Variants in SPSB1 observed in about 807,000 individuals in gnomAD.
SPSB1 encodes splA/ryanodine receptor domain and SOCS box containing 1.
Under a neutral mutation model 21.2 loss-of-function variants are expected in SPSB1, and 8 were observed. The ratio of observed to expected loss-of-function variants is 0.38; its 90% CI spans 0.22 to 0.68. The LOEUF is 0.68. Among genes scored for constraint, SPSB1 ranks in the 30% least tolerant of loss-of-function variants. The probability of loss-of-function intolerance (pLI) is 0.53; values close to 1 mark genes in which losing one functional copy is unlikely to be tolerated. For missense variants in SPSB1, 242 were observed against 377.8 expected, an observed-to-expected ratio of 0.64 and a Z score of 2.98; for synonymous variants, 169 against 161.7, an observed-to-expected ratio of 1.05 and a Z score of -0.34.
At chr1:9,307,792 C>G (rs1029769342) in intron 1 of SPSB1, among the ~76,000 whole-genome samples, 8 of 152,208 alleles carry the variant, frequency 5.3e-5, no homozygotes, top group African/African-American at 1.7e-4. Flanking sequence ...CTGTTGTCAG[C>G]TCCCTTCTTG....
In SPSB1 at chr1:9,356,188, G is replaced by A. The variant is rs945209621; in HGVS notation, c.297G>A (p.Val99=). 3 of 1,588,096 alleles carry A rather than the reference G, an allele frequency of 1.9e-6. No individual in the cohort carries two copies. In the African/African-American group the frequency reaches 4.0e-5, roughly 21 times the overall value. Residue 99 remains valine, a synonymous_variant, in exon 2 of 3, where the codon GTG becomes GTA. Coordinates refer to ENST00000328089, the MANE Select transcript of SPSB1 (RefSeq NM_025106.4). This position sits in a 1 kb window ranked among gnomAD's most constrained non-coding sequence, Gnocchi z 7.4. The part of the protein sequence containing the change: ...GKVGYTRGLH[V]WQITWAMRQR... ...TCGGGTATACCCGTGGGCTGCACGT[G>A]TGGCAGATCACGTGGGCCATGAGAC...
intron 1 of SPSB1, among the ~76,000 whole-genome samples, chr1:9,304,812 A>G (rs1169657786): frequency 3.3e-5 from 5 of 152,108 alleles, no homozygotes; most frequent in Admixed American, 2.6e-4. Context: ...AGCTGGGACT[A>G]TCGGTGCACA....
At position 9,317,827 on chromosome 1, in the gene SPSB1, G is replaced by A. The variant is rs890960025; in HGVS notation, c.-150+24756G>A. Among the ~76,000 whole-genome samples the A allele has an allele frequency of 7.0e-6, 1 of 142,084 alleles. No individual in the cohort carries two copies. The highest frequency in any genetic ancestry group is 1.5e-5 in the Non-Finnish European group (1 of 66,166). The allele number at this position is 142,084 out of a possible 152,430, so 93.2% of individuals were successfully genotyped here. A position where few individuals can be genotyped will look rare whatever the true frequency, so the allele number is the denominator to read the frequency against. ...CCTTATGTAGGTGATTTCCGGTGGC[G>A]AGGGAACCAATTTTTTTTTTTTTTT... is the stretch of plus-strand genomic sequence containing the variant. On this transcript the variant is annotated intron_variant, in intron 1 of 2. Coordinates refer to ENST00000328089, the MANE Select transcript of SPSB1 (RefSeq NM_025106.4). This position sits in a 1 kb window ranked among gnomAD's most constrained non-coding sequence, Gnocchi z 4.3.
chr1:9,319,861 C>G (rs928024454), intron 1 of SPSB1, among the ~76,000 whole-genome samples: 5 of 152,100 alleles, frequency 3.3e-5, no homozygotes, highest in Admixed American at 6.5e-5. Context: ...CTGGCCCAGC[C>G]AGTCGCCACC....
chr1:9,309,671 C>T (rs1249530067), intron 1 of SPSB1, among the ~76,000 whole-genome samples: 2 of 152,066 alleles, frequency 1.3e-5, no homozygotes, highest in East Asian at 1.9e-4. Context: ...AGTGAAACCC[C>T]GTCTCTACTA....
At chr1:9,327,088 C>T (rs975382662) in intron 1 of SPSB1, among the ~76,000 whole-genome samples, 6 of 152,118 alleles carry the variant, frequency 3.9e-5, no homozygotes, top group African/African-American at 9.7e-5. Flanking sequence ...ATGCATCTGC[C>T]GTCGTTTCGT....
chr1:9,351,971 C>T (rs914908348), intron 1 of SPSB1, among the ~76,000 whole-genome samples: 10 of 152,314 alleles, frequency 6.6e-5, no homozygotes, highest in Non-Finnish European at 1.2e-4. Flanking sequence ...CCTGCCCTGC[C>T]CGGGGAAAAC....
rs1440974622 is a variant in SPSB1, at chr1:9,305,571, G to T, written c.-150+12500G>T. Among the ~76,000 whole-genome samples the T allele has an allele frequency of 6.6e-6, 1 of 152,178 alleles. No individual in the cohort carries two copies. The highest frequency in any genetic ancestry group is 2.4e-5 in the African/African-American group (1 of 41,438). ...AGCAGGGTCTGGGAGAGCTCGATGT[G>T]GGCCCAGGGTGTGGGTGCTGGGGGT... On this transcript the variant is annotated intron_variant, in intron 1 of 2. Transcript: ENST00000328089. The surrounding 1 kb of genome is among the most constrained non-coding windows in gnomAD (Gnocchi z 4.8).
chr1:9,331,213 C>T (rs1379547989), intron 1 of SPSB1, among the ~76,000 whole-genome samples: 3 of 151,486 alleles, frequency 2.0e-5, no homozygotes, highest in Non-Finnish European at 2.9e-5. Flanking sequence ...AGTGGTCTGC[C>T]TAAGTGACCT....
chr1:9,357,502 G>A (rs992993276), intron 2 of SPSB1, among the ~76,000 whole-genome samples: 2 of 152,172 alleles, frequency 1.3e-5, no homozygotes, highest in African/African-American at 4.8e-5. Flanking sequence ...GGGGATACTA[G>A]GGCCTCTCCG....
intron 1 of SPSB1, among the ~76,000 whole-genome samples, chr1:9,329,579 A>T (rs1404048449): frequency 6.6e-6 from 1 of 152,064 alleles, no homozygotes; most frequent in African/African-American, 2.4e-5. Flanking sequence ...CTGTAGTCCC[A>T]GCTACTCAGG....
intron 1 of SPSB1, among the ~76,000 whole-genome samples, chr1:9,307,168 T>TCCAC (rs1639430689): frequency 6.6e-6 from 1 of 152,196 alleles, no homozygotes; most frequent in Non-Finnish European, 1.5e-5. Flanking sequence ...CCTCAGGTGA[T>TCCAC]CTGCCCGCTT....
chr1:9,308,362 C>T (rs1379422086), intron 1 of SPSB1, among the ~76,000 whole-genome samples: 1 of 152,142 alleles, frequency 6.6e-6, no homozygotes, highest in Non-Finnish European at 1.5e-5. Context: ...ATACCCAGGG[C>T]CCCCGGAGCC....
intron 1 of SPSB1, among the ~76,000 whole-genome samples, chr1:9,320,172 T>C (rs943710921): frequency 6.6e-6 from 1 of 152,150 alleles, no homozygotes; most frequent in African/African-American, 2.4e-5. Flanking sequence ...CCTCCTAAAT[T>C]TGCATGGCAG....
Position 9,321,355 on chromosome 1 carries a change from T to C in SPSB1, c.-150+28284T>C, listed in dbSNP as rs780628390. Among the ~76,000 whole-genome samples the C allele has an allele frequency of 2.2e-4, 34 of 152,092 alleles. No individual in the cohort carries two copies. Among genetic ancestry groups the C allele is most frequent in the Non-Finnish European group, 5.9e-5 (4 of 68,004 alleles). On this transcript the variant is annotated intron_variant, in intron 1 of 2. Coordinates refer to ENST00000328089, the MANE Select transcript of SPSB1 (RefSeq NM_025106.4). This position sits in a 1 kb window ranked among gnomAD's most constrained non-coding sequence, Gnocchi z 4.8. Reference sequence around the variant, plus strand: ...TGTGGTGGAGCTCTAGACAGCCCGATGGCAGGGGGTGGGCTCCGAGCTCCA... The same window carrying C: ...TGTGGTGGAGCTCTAGACAGCCCGACGGCAGGGGGTGGGCTCCGAGCTCCA...
In SPSB1 at chr1:9,317,870, T is replaced by C. The variant is rs1175844467; in HGVS notation, c.-150+24799T>C. ...TTTTTTTTTTTTGAGACCCTGCAGA[T>C]TGGCGGGTCGCTTTGGTGGGAGTTT... On this transcript the variant is annotated intron_variant, in intron 1 of 2. Coordinates refer to ENST00000328089, the MANE Select transcript of SPSB1 (RefSeq NM_025106.4). This position sits in a 1 kb window ranked among gnomAD's most constrained non-coding sequence, Gnocchi z 4.3. Among the ~76,000 whole-genome samples the C allele has an allele frequency of 6.8e-6, 1 of 147,692 alleles. No individual in the cohort carries two copies. The highest frequency in any genetic ancestry group is 2.5e-5 in the African/African-American group (1 of 39,738).
chr1:9,341,597 G>T (rs1640091638), intron 1 of SPSB1, among the ~76,000 whole-genome samples: 1 of 152,220 alleles, frequency 6.6e-6, no homozygotes, highest in Non-Finnish European at 1.5e-5. Flanking sequence ...GTGACATCTT[G>T]TCCATGTTGT....
At chr1:9,320,528 T>G (rs1283354132) in intron 1 of SPSB1, among the ~76,000 whole-genome samples, 1 of 152,214 alleles carries the variant, frequency 6.6e-6, no homozygotes, top group Admixed American at 6.5e-5. Context: ...AGATGTTTTG[T>G]GTATAGTGGC....
intron 1 of SPSB1, among the ~76,000 whole-genome samples, chr1:9,340,932 T>C (rs1640081708): frequency 6.6e-6 from 1 of 152,186 alleles, no homozygotes; most frequent in Non-Finnish European, 1.5e-5. Flanking sequence ...GGGAGAAGAC[T>C]GGTCTAGCTC....
Sources: allele counts gnomAD v4.1 joint callset (sites outside exome capture counted in the v4.1 genomes callset), GRCh38; gene constraint gnomAD v4.1.1; non-coding constraint Gnocchi (gnomAD v3.1); transcripts MANE v1.5; gene names NCBI Gene and HGNC (gene_info 2026-07-23, HGNC 2026-07-21).